The following ACOT11 variants were observed in gnomAD, a reference collection of about 807,000 sequenced individuals.
ACOT11 encodes the protein acyl-coenzyme A thioesterase 11.
Under a neutral mutation model 77.5 loss-of-function variants are expected in ACOT11, and 69 were observed. The observed-to-expected ratio is 0.89, with a 90% CI of 0.73 to 1.09. The LOEUF (loss-of-function observed/expected upper bound fraction) is 1.09, where lower values mean the gene tolerates loss of function less well. Ranked by LOEUF, ACOT11 falls within the 50% of genes least tolerant of loss-of-function variation. The pLI is 0.00. For synonymous variants in ACOT11, 279 were observed against 313.0 expected (o/e 0.89, Z 1.15); for missense variants, 766 against 813.7 (o/e 0.94, Z 0.71).
In ACOT11 at chr1:54,580,995, C is replaced by T. The variant is rs61373615; in HGVS notation, c.34-3660C>T. ...CTGCTGGGGTGAGTGGCAGGAGCTA[C>T]GGTGGCTGGTTCTTGATCCTGAGAG... On this transcript the variant is annotated intron_variant, in intron 1 of 15. Transcript: ENST00000343744. Among the ~76,000 whole-genome samples the T allele has an allele frequency of 8.4e-3, 1,283 of 152,220 alleles. 17 individuals carry two copies. Among genetic ancestry groups the T allele is most frequent in the African/African-American group, 0.029 (1,198 of 41,536 alleles).
rs551831479 is a variant in ACOT11 at position 54,617,349 on chromosome 1, C to G, written c.1629+9281C>G. On this transcript the variant is annotated intron_variant, in intron 15 of 16. Transcript: ENST00000371316. Reference sequence around the variant, plus strand: ...AGGGGCCTTTTCTCCTGCTTTCTCCCTGACTCCTGACCATTCTTCTCACCT... The same window carrying G: ...AGGGGCCTTTTCTCCTGCTTTCTCCGTGACTCCTGACCATTCTTCTCACCT... Among the ~76,000 whole-genome samples the G allele has an allele frequency of 7.2e-4, 110 of 152,140 alleles. 1 individual carries two copies. Among genetic ancestry groups the G allele is most frequent in the Admixed American group, 5.6e-3 (86 of 15,262 alleles).
rs779094818 is a variant in ACOT11, at chr1:54,601,287, C to T, written c.903C>T (p.Cys301=). The T allele has an allele frequency of 3.0e-5, 48 of 1,611,826 alleles. No homozygotes were observed. Among genetic ancestry groups the T allele is most frequent in the East Asian group, 2.7e-4 (12 of 44,880 alleles). ...CCCTCAGCATGGAGGTGGGCGTGTG[C>T]GTGGAGGCCTATCGCCAGGAGGCTG... The part of the protein sequence containing the change: ...AFKHSMEVGV[C]VEAYRQEAET... Residue 301 remains cysteine, a synonymous_variant, in exon 9 of 16, where the codon TGC becomes TGT. Coordinates refer to ENST00000343744, the MANE Select transcript of ACOT11 (RefSeq NM_147161.4).
intron 1 of ACOT11, among the ~76,000 whole-genome samples, chr1:54,569,060 A>C (rs1653840994): frequency 6.6e-6 from 1 of 152,020 alleles, no homozygotes; most frequent in Non-Finnish European, 1.5e-5. Flanking sequence ...GCAGTGAGCC[A>C]AGATTAAGCC....
rs1389570599 is a variant in ACOT11, at chr1:54,622,446, C to T, written c.1630-8288C>T. ...TACAAAAATTAGCTGAGCGTGGTGGCGCACGCCTGTAGTCCCAGCTACTCC... is the reference window on the plus strand; with the variant it reads ...TACAAAAATTAGCTGAGCGTGGTGGTGCACGCCTGTAGTCCCAGCTACTCC... On this transcript the variant is annotated intron_variant, in intron 15 of 16. Transcript: ENST00000371316. Among the ~76,000 whole-genome samples the T allele has an allele frequency of 5.3e-5, 8 of 151,894 alleles. No individual in the cohort carries two copies. In the South Asian group the frequency reaches 8.3e-4, roughly 16 times the overall value.
chr1:54,581,702 G>A (rs367549480), intron 1 of ACOT11, among the ~76,000 whole-genome samples: 3 of 152,230 alleles, frequency 2.0e-5, no homozygotes, highest in Admixed American at 2.0e-4. Context: ...TTCAGCCCCC[G>A]CCACCCTGGT....
chr1:54,569,493 CCT>C (rs1322334608), intron 1 of ACOT11, among the ~76,000 whole-genome samples: 2 of 152,120 alleles, frequency 1.3e-5, no homozygotes, highest in Non-Finnish European at 2.9e-5. Flanking sequence ...CTCCTTGTTC[CCT>C]CTGTTTTCCC....
Position 54,548,304 on chromosome 1 carries a change from G to C in ACOT11, c.-6G>C. The C allele has an allele frequency of 6.3e-7, 1 of 1,595,514 alleles. No individual in the cohort carries two copies. Among genetic ancestry groups the C allele is most frequent in the Non-Finnish European group, 8.5e-7 (1 of 1,171,502 alleles). On this transcript the variant is annotated 5_prime_UTR_variant, in exon 1 of 16. Transcript: ENST00000343744. ...AGGGCGCTGCTTTCCCCGGCCACCC[G>C]GCGCGATGATCCAGAATGTCGGAAA...
chr1:54,551,746 TTTG>T (rs1366357099), intron 1 of ACOT11, among the ~76,000 whole-genome samples: 2 of 151,652 alleles, frequency 1.3e-5, no homozygotes, highest in South Asian at 2.1e-4. Flanking sequence ...TGTTTTTGTT[TTTG>T]TTTTTGTTTT....
intron 15 of ACOT11, chr1:54,616,226 C>T: frequency 6.7e-7 from 1 of 1,487,658 alleles, no homozygotes; most frequent in Non-Finnish European, 9.2e-7. Context: ...AAGAAAACTT[C>T]TTTCTCATCA....
At chr1:54,599,705 G>A in intron 8 of ACOT11, 1 of 200,080 alleles carries the variant, frequency 5.0e-6, no homozygotes, top group African/African-American at 2.3e-5. Context: ...CTCCCTCCTT[G>A]GCTCCTGGCT....
At chr1:54,587,200 G>T (rs114503910) in intron 3 of ACOT11, among the ~76,000 whole-genome samples, 2 of 152,074 alleles carry the variant, frequency 1.3e-5, no homozygotes, top group East Asian at 1.9e-4. Context: ...CATTCAATTC[G>T]CAGTGAGAAG....
chr1:54,623,650 A>C, intron 15 of ACOT11: 4 of 411,798 alleles, frequency 9.7e-6, no homozygotes, highest in East Asian at 4.1e-5. Flanking sequence ...CATATCTAAA[A>C]TGACCTTTGA....
chr1:54,594,762 A>G, intron 6 of ACOT11, 71 bp downstream of exon 6: 2 of 1,541,480 alleles, frequency 1.3e-6, no homozygotes, highest in South Asian at 2.5e-5. Context: ...CCGGGCTCCC[A>G]CTGGGCAGAG....
At chr1:54,600,874 C>G (rs1643953044) in intron 8 of ACOT11, among the ~76,000 whole-genome samples, 1 of 152,066 alleles carries the variant, frequency 6.6e-6, no homozygotes, top group Admixed American at 6.6e-5. Context: ...ATATTTATAC[C>G]TTTGCTTTCT....
At chr1:54,587,827 G>A (rs987089750) in intron 3 of ACOT11, among the ~76,000 whole-genome samples, 23 of 151,812 alleles carry the variant, frequency 1.5e-4, no homozygotes, top group Admixed American at 3.9e-4. Context: ...CTCCCAAAGT[G>A]CTGGGATTAC....
chr1:54,566,605 A>G (rs1426508088), intron 1 of ACOT11, among the ~76,000 whole-genome samples: 1 of 152,084 alleles, frequency 6.6e-6, no homozygotes, highest in Non-Finnish European at 1.5e-5. Flanking sequence ...TTGTGATTCT[A>G]TGGGTCAGGA....
At chr1:54,612,785 T>A, downstream of ACOT11, 1 of 1,073,846 alleles carries the variant, frequency 9.3e-7, no homozygotes, top group South Asian at 1.3e-5. Flanking sequence ...CTCATCACAG[T>A]GCTAGGGAGT....
In ACOT11 at chr1:54,553,757, C is replaced by G. The variant is rs188367369; in HGVS notation, c.33+5415C>G. Among the ~76,000 whole-genome samples the G allele has an allele frequency of 4.6e-5, 7 of 152,282 alleles. No individual in the cohort carries two copies. The East Asian group carries it at 1.2e-3, about 25-fold the overall frequency. Reference sequence around the variant, plus strand: ...CTCTGACTAAGATCTCTCCATCCCCCCAACAACCCCTGCCTCTGATAAGCA... The same window carrying G: ...CTCTGACTAAGATCTCTCCATCCCCGCAACAACCCCTGCCTCTGATAAGCA... On this transcript the variant is annotated intron_variant, in intron 1 of 15. Transcript: ENST00000343744.
intron 6 of ACOT11, 22 bp downstream of exon 6, chr1:54,594,713 A>C: frequency 6.3e-7 from 1 of 1,598,078 alleles, no homozygotes; most frequent in Non-Finnish European, 8.6e-7. Context: ...CCAGCTGTGC[A>C]TGGGGAGGGT....
Sources: allele counts gnomAD v4.1 joint callset (sites outside exome capture counted in the v4.1 genomes callset), GRCh38; gene constraint gnomAD v4.1.1; transcripts MANE v1.5; gene names NCBI Gene and HGNC (gene_info 2026-07-23, HGNC 2026-07-21).